Variants in CATSPERE observed in about 807,000 individuals in gnomAD.
CATSPERE encodes the protein cation channel sperm-associated auxiliary subunit epsilon.
In CATSPERE, 93 loss-of-function variants were observed where a neutral mutation model predicts 114.1. The observed-to-expected ratio is 0.81, with a 90% CI of 0.69 to 0.97. CATSPERE has a LOEUF of 0.97. CATSPERE is among the 50% of genes least tolerant of loss of function. The probability of loss-of-function intolerance (pLI) is 0.00; values close to 1 mark genes in which losing one functional copy is unlikely to be tolerated. For synonymous variants in CATSPERE, 341 were observed against 384.1 expected (o/e 0.89, Z 1.31); for missense variants, 1,058 against 1,131.6 (o/e 0.93, Z 0.93).
At chr1:244,618,902 G>A (rs1319007383) in intron 20 of CATSPERE, among the ~76,000 whole-genome samples, 1 of 152,220 alleles carries the variant, frequency 6.6e-6, no homozygotes, top group Non-Finnish European at 1.5e-5. Context: ...AGGGAAAAAA[G>A]AGTCTAATGA....
intron 20 of CATSPERE, among the ~76,000 whole-genome samples, chr1:244,626,256 G>T (rs969014050): frequency 4.6e-5 from 7 of 152,046 alleles, no homozygotes; most frequent in African/African-American, 7.2e-5. Flanking sequence ...GGAGGCCAAG[G>T]TGGGTGGTCG....
intron 7 of CATSPERE, among the ~76,000 whole-genome samples, chr1:244,509,053 C>T (rs1253351706): frequency 6.8e-6 from 1 of 146,996 alleles, no homozygotes; most frequent in Non-Finnish European, 1.5e-5. Context: ...AACCTTGATC[C>T]TTTTTTTTTT....
chr1:244,452,364 T>C (rs1665679188), upstream of CATSPERE, among the ~76,000 whole-genome samples: 1 of 152,216 alleles, frequency 6.6e-6, no homozygotes, highest in Non-Finnish European at 1.5e-5. Context: ...TATTAAGGAA[T>C]GAATGTGTAC....
chr1:244,470,909 T>C (rs1028988650), intron 2 of CATSPERE, among the ~76,000 whole-genome samples: 1 of 152,204 alleles, frequency 6.6e-6, no homozygotes, highest in Admixed American at 6.5e-5. Flanking sequence ...AAGAAACCTT[T>C]CACAAAGGAC....
chr1:244,630,041 T>C (rs1032250325), intron 20 of CATSPERE, among the ~76,000 whole-genome samples: 1 of 152,180 alleles, frequency 6.6e-6, no homozygotes, highest in Admixed American at 6.5e-5. Flanking sequence ...TTCTATGAGA[T>C]GATGATGAAA....
chr1:244,467,648 G>A (rs1015519319), intron 2 of CATSPERE, among the ~76,000 whole-genome samples: 1 of 152,130 alleles, frequency 6.6e-6, no homozygotes, highest in Non-Finnish European at 1.5e-5. Flanking sequence ...ATGTAGGAAC[G>A]GTTACGACAG....
upstream of CATSPERE, among the ~76,000 whole-genome samples, chr1:244,452,354 T>C (rs1372436895): frequency 6.6e-6 from 1 of 152,266 alleles, no homozygotes. Flanking sequence ...GATTTGTCTT[T>C]ATTAAGGAAT....
Position 244,633,478 on chromosome 1 carries a change from C to T in CATSPERE, c.2649-2011C>T, listed in dbSNP as rs529602005. Among the ~76,000 whole-genome samples the T allele has an allele frequency of 6.6e-6, 1 of 152,268 alleles. No homozygotes were observed. The highest frequency in any genetic ancestry group is 1.5e-5 in the Non-Finnish European group (1 of 68,018). ...ATTTTTCCATATGGCCCACTTACATCTAATCTATTCCAAATCACTTTACAA... is the reference window on the plus strand; with the variant it reads ...ATTTTTCCATATGGCCCACTTACATTTAATCTATTCCAAATCACTTTACAA... On this transcript the variant is annotated intron_variant, in intron 20 of 21. Coordinates refer to ENST00000366534, the MANE Select transcript of CATSPERE (RefSeq NM_001130957.2). The surrounding 1 kb of genome is among the most constrained non-coding windows in gnomAD (Gnocchi z 4.1).
intron 8 of CATSPERE, among the ~76,000 whole-genome samples, chr1:244,525,314 G>C (rs1305033511): frequency 7.6e-6 from 1 of 132,066 alleles, no homozygotes; most frequent in Non-Finnish European, 1.5e-5. Flanking sequence ...ACAGGAAAGG[G>C]AACATCACAC....
At chr1:244,516,493 GC>G (rs1676644083) in intron 7 of CATSPERE, among the ~76,000 whole-genome samples, 1 of 151,740 alleles carries the variant, frequency 6.6e-6, no homozygotes, top group Non-Finnish European at 1.5e-5. Context: ...GACTACAGGT[GC>G]GCACCACCGT....
intron 5 of CATSPERE, among the ~76,000 whole-genome samples, chr1:244,481,333 C>T (rs546126753): frequency 6.6e-6 from 1 of 152,188 alleles, no homozygotes; most frequent in East Asian, 1.9e-4. Context: ...CGCCTGTAAT[C>T]CCAGCTACTC....
At chr1:244,592,791 ACT>A (rs2148647203) in intron 15 of CATSPERE, among the ~76,000 whole-genome samples, 1 of 152,192 alleles carries the variant, frequency 6.6e-6, no homozygotes, top group East Asian at 1.9e-4. Context: ...TATGAAATAG[ACT>A]CTGTCACTGT....
At chr1:244,585,646 T>C (rs2148626282) in intron 13 of CATSPERE, among the ~76,000 whole-genome samples, 1 of 152,346 alleles carries the variant, frequency 6.6e-6, no homozygotes, top group African/African-American at 2.4e-5. Flanking sequence ...CCCAGCTCTG[T>C]GTAGACACAG....
In CATSPERE at chr1:244,560,899, T is replaced by A; in HGVS notation, c.1261T>A (p.Leu421Ile). The A allele has an allele frequency of 6.2e-7, 1 of 1,614,106 alleles. No individual in the cohort carries two copies. ...ATGTAACGTCACCAAAAAGATTTTC[T>A]TAGTGATATATAATGAAGATACAAA... The part of the protein sequence containing the change: ...TVCNVTKKIF[L>I]VIYNEDTKQW... Residue 421 changes from leucine to isoleucine, a missense_variant, in exon 10 of 22, where the codon TTA (leucine) becomes ATA (isoleucine). Around this residue, in one of 2 missense-constraint regions of CATSPERE, gnomAD observed 787 missense variants for 905.6 expected, o/e 0.87. Transcript: ENST00000366534.
At chr1:244,494,877 C>T (rs1220204190) in intron 6 of CATSPERE, among the ~76,000 whole-genome samples, 1 of 152,098 alleles carries the variant, frequency 6.6e-6, no homozygotes, top group Admixed American at 6.6e-5. Context: ...TACTCCAAAT[C>T]CCATTGATAT....
At chr1:244,457,204 GAATCTGGGCCCCTGTGTCCAA>G (rs1028461567), upstream of CATSPERE, among the ~76,000 whole-genome samples, 7 of 152,298 alleles carry the variant, frequency 4.6e-5, no homozygotes, top group African/African-American at 7.2e-5. Flanking sequence ...TGTGGGGCCA[GAATCTGGGCCCCTGTGTCCAA>G]AATCTGGGCC....
chr1:244,613,563 T>C (rs1201899536), intron 19 of CATSPERE, among the ~76,000 whole-genome samples: 1 of 152,046 alleles, frequency 6.6e-6, no homozygotes, highest in East Asian at 1.9e-4. Context: ...AGAAGGGAAA[T>C]AGAGGAATTT....
rs1310940594 is a variant in CATSPERE at position 244,575,790 on chromosome 1, C to G, written c.1950+3018C>G. On this transcript the variant is annotated intron_variant, in intron 11 of 21. Transcript: ENST00000366534. This position sits in a 1 kb window ranked among gnomAD's most constrained non-coding sequence, Gnocchi z 4.5. ...GCAGCTGGTGGGAGTGGAGCTTAGCCTCTTTCTTCCACCGAGAAGAGAGGA... is the reference window on the plus strand; with the variant it reads ...GCAGCTGGTGGGAGTGGAGCTTAGCGTCTTTCTTCCACCGAGAAGAGAGGA... Among the ~76,000 whole-genome samples, 1 of 150,400 alleles carries G rather than the reference C, an allele frequency of 6.6e-6. No individual in the cohort carries two copies. Among genetic ancestry groups the G allele is most frequent in the African/African-American group, 2.4e-5 (1 of 40,818 alleles).
chr1:244,545,696 C>G (rs1214441317), intron 8 of CATSPERE, among the ~76,000 whole-genome samples: 1 of 152,218 alleles, frequency 6.6e-6, no homozygotes, highest in Non-Finnish European at 1.5e-5. Flanking sequence ...GCAACCCTAG[C>G]TGTCCATCAT....
Sources: gnomAD v4.1 joint callset for allele counts (sites outside exome capture counted in the v4.1 genomes callset) on GRCh38, gnomAD v4.1.1 for gene constraint, gnomAD v4.1.1 regional missense constraint, Gnocchi (gnomAD v3.1) non-coding constraint, MANE v1.5 for transcripts, NCBI Gene and HGNC (gene_info 2026-07-23, HGNC 2026-07-21) for gene names.